The following P2RY14 variants were observed in gnomAD, a reference collection of about 807,000 sequenced individuals.
The protein encoded by P2RY14 is P2Y purinoceptor 14.
In P2RY14, 2 loss-of-function variants were observed where a neutral mutation model predicts 0.9. That is an observed-to-expected ratio of 2.16 (90% CI 0.88 to 6.79). The LOEUF is 6.79. Among genes scored for constraint, P2RY14 ranks in the 30% most tolerant of loss-of-function variants. P2RY14 has a pLI of 0.05. For synonymous variants in P2RY14, 158 were observed against 147.2 expected, an observed-to-expected ratio of 1.07 and a Z score of -0.53; for missense variants, 378 against 400.1, an observed-to-expected ratio of 0.94 and a Z score of 0.47.
At chr3:151,258,221 T>C (rs1255947454) in intron 1 of P2RY14, among the ~76,000 whole-genome samples, 1 of 152,184 alleles carries the variant, frequency 6.6e-6, no homozygotes, top group Admixed American at 6.5e-5. Context: ...GGAAGCTAGA[T>C]GGGAACTAGC....
At chr3:151,275,394 A>G (rs545772020) in intron 1 of P2RY14, among the ~76,000 whole-genome samples, 1 of 152,302 alleles carries the variant, frequency 6.6e-6, no homozygotes, top group African/African-American at 2.4e-5. Context: ...GGGTCAGAAC[A>G]TGATATCTAA....
intron 1 of P2RY14, among the ~76,000 whole-genome samples, chr3:151,235,715 A>G (rs1165002723): frequency 4.0e-5 from 6 of 151,372 alleles, no homozygotes; most frequent in African/African-American, 1.5e-4. Flanking sequence ...AAATAAATAA[A>G]TAAATAAGTA....
At chr3:151,270,557 C>T (rs1740755190) in intron 1 of P2RY14, among the ~76,000 whole-genome samples, 1 of 152,106 alleles carries the variant, frequency 6.6e-6, no homozygotes, top group East Asian at 1.9e-4. Context: ...GCTCAGAACA[C>T]TGTGTCTCTG....
intron 1 of P2RY14, among the ~76,000 whole-genome samples, chr3:151,224,673 C>T (rs550347704): frequency 1.3e-5 from 2 of 152,294 alleles, no homozygotes; most frequent in South Asian, 4.1e-4. Context: ...CCTCCTCCCA[C>T]CCCCTATCTT....
rs140260817 is a variant in P2RY14, at chr3:151,251,472, C to T, written c.-133+26815G>A. Among the ~76,000 whole-genome samples, 779 of 152,198 alleles carry T rather than the reference C, an allele frequency of 5.1e-3. 12 individuals are homozygous for T. Among genetic ancestry groups the T allele is most frequent in the African/African-American group, 0.018 (728 of 41,542 alleles). On this transcript the variant is annotated intron_variant, in intron 1 of 2. Transcript: ENST00000309170. The stretch of plus-strand genomic sequence containing the variant: ...TCTGTGTTCCCTGCCTTCAATCTGC[C>T]TCCCACCCACAGGGTGTGTCCTCCA...
chr3:151,216,844 G>T (rs1728331858), intron 2 of P2RY14, among the ~76,000 whole-genome samples: 1 of 152,136 alleles, frequency 6.6e-6, no homozygotes, highest in Admixed American at 6.5e-5. Flanking sequence ...TCTGTGGCTG[G>T]TAACTAATTT....
intron 1 of P2RY14, among the ~76,000 whole-genome samples, chr3:151,226,749 C>T (rs544359817): frequency 2.7e-4 from 41 of 152,250 alleles, no homozygotes; most frequent in African/African-American, 9.4e-4. Context: ...GATACTGCGG[C>T]ATAGAGAACC....
At chr3:151,239,900 A>C (rs538765800) in intron 1 of P2RY14, among the ~76,000 whole-genome samples, 2 of 152,350 alleles carry the variant, frequency 1.3e-5, no homozygotes, top group African/African-American at 4.8e-5. Context: ...AAAATATATG[A>C]AACTTCCCAA....
In P2RY14 at chr3:151,239,762, T is replaced by G. The variant is rs112986331; in HGVS notation, c.-132-20120A>C. On this transcript the variant is annotated intron_variant, in intron 1 of 2. Coordinates refer to ENST00000309170, the MANE Select transcript of P2RY14 (RefSeq NM_014879.4). Reference sequence around the variant, plus strand: ...TTATCTATATTTTCTGATAAGAGATTTTGTTATGGTTGTTAGTTTGCTTGT... The same window carrying G: ...TTATCTATATTTTCTGATAAGAGATGTTGTTATGGTTGTTAGTTTGCTTGT... Among the ~76,000 whole-genome samples the G allele has an allele frequency of 6.8e-3, 1,042 of 152,284 alleles. 7 individuals carry two copies. Among genetic ancestry groups the G allele is most frequent in the South Asian group, 0.016 (76 of 4,826 alleles).
chr3:151,270,241 GTTT>G (rs1338324671), intron 1 of P2RY14: 3 of 157,022 alleles, frequency 1.9e-5, no homozygotes, highest in African/African-American at 7.4e-5. Flanking sequence ...GTGTGTGTGT[GTTT>G]TCTTTTGGGC....
At chr3:151,218,835 C>T (rs964312775) in intron 2 of P2RY14, among the ~76,000 whole-genome samples, 1 of 137,392 alleles carries the variant, frequency 7.3e-6, no homozygotes, top group Non-Finnish European at 1.5e-5. Flanking sequence ...CCATTGCACT[C>T]CAGCCTGGGT....
chr3:151,234,147 CTGTT>C (rs1239020749), intron 1 of P2RY14, among the ~76,000 whole-genome samples: 15 of 152,172 alleles, frequency 9.9e-5, no homozygotes, highest in Non-Finnish European at 2.9e-5. Context: ...CATAGAAGCA[CTGTT>C]TGTAATAGCA....
Position 151,213,392 on chromosome 3 carries a change from T to A in P2RY14, c.925A>T (p.Lys309Ter), listed in dbSNP as rs1350911526. 6.2e-7 allele frequency: 1 copy of A among 1,614,084 alleles called. No individual in the cohort carries two copies. The highest frequency in any genetic ancestry group is 1.1e-5 in the South Asian group (1 of 91,074). Residue 309 changes from lysine (K) to a stop codon, truncating the protein, a stop_gained, in exon 3 of 3, where the codon AAA (lysine) becomes TAA (stop). Transcript: ENST00000309170. LOFTEE classifies it low-confidence loss of function (END_TRUNC). ...CQPFREILCK[K>*]LHIPLKAQND... ...TGAGCTTTTAATGGAATGTGCAATT[T>A]CTTACATAAGATTTCCCTAAACGGC...
chr3:151,274,388 C>A (rs1741500177), intron 1 of P2RY14, among the ~76,000 whole-genome samples: 1 of 152,170 alleles, frequency 6.6e-6, no homozygotes, highest in Non-Finnish European at 1.5e-5. Context: ...ACCATATCCT[C>A]CCTCTTCCTT....
chr3:151,243,434 A>G (rs1432972667), intron 1 of P2RY14, among the ~76,000 whole-genome samples: 11 of 152,096 alleles, frequency 7.2e-5, no homozygotes, highest in Admixed American at 1.3e-4. Flanking sequence ...GAAACCCTAC[A>G]AGCCAGAAGA....
intron 1 of P2RY14, among the ~76,000 whole-genome samples, chr3:151,247,376 A>G (rs1471351881): frequency 6.6e-6 from 1 of 152,152 alleles, no homozygotes; most frequent in Non-Finnish European, 1.5e-5. Context: ...ATGTCCAACA[A>G]TGATAGACTG....
chr3:151,213,267 A>C lies in P2RY14; in HGVS notation c.*33T>G. The C allele has an allele frequency of 1.3e-6, 2 of 1,496,412 alleles. No homozygotes were observed. Among genetic ancestry groups the C allele is most frequent in the Non-Finnish European group, 1.8e-6 (2 of 1,104,104 alleles). The allele number at this position is 1,496,412 out of a possible 1,614,324, so 92.7% of individuals were successfully genotyped here. A position where few individuals can be genotyped will look rare whatever the true frequency, so the allele number is the denominator to read the frequency against. ...TATGTAATTGAAGATGACAACATGC[A>C]CACGTGGTCTTTCTTTGGAAGAGGG... On this transcript the variant is annotated 3_prime_UTR_variant, in exon 3 of 3. Transcript: ENST00000309170.
At chr3:151,274,296 T>G (rs1741487987) in intron 1 of P2RY14, among the ~76,000 whole-genome samples, 1 of 152,220 alleles carries the variant, frequency 6.6e-6, no homozygotes, top group Admixed American at 6.5e-5. Flanking sequence ...GTGGTACCAG[T>G]TATAAGGACA....
intron 1 of P2RY14, among the ~76,000 whole-genome samples, chr3:151,226,328 G>A (rs1315074038): frequency 6.6e-6 from 1 of 152,206 alleles, no homozygotes; most frequent in Non-Finnish European, 1.5e-5. Context: ...GTCACAGTGG[G>A]GGAAAATGGA....
Sources: allele counts gnomAD v4.1 joint callset (sites outside exome capture counted in the v4.1 genomes callset), GRCh38; gene constraint gnomAD v4.1.1; transcripts MANE v1.5; gene names NCBI Gene and HGNC (gene_info 2026-07-23, HGNC 2026-07-21).